The following CRAMP1 variants were observed in gnomAD, a reference collection of about 807,000 sequenced individuals.
CRAMP1 encodes protein cramped-like.
CRAMP1 carries 50 observed loss-of-function variants against 115.4 expected under a neutral mutation model. The observed-to-expected ratio is 0.43, with a 90% CI of 0.35 to 0.55. The LOEUF is 0.55. Ranked by LOEUF, CRAMP1 falls within the 20% of genes least tolerant of loss-of-function variation. CRAMP1 has a pLI of 0.01. For synonymous variants in CRAMP1, 866 were observed against 745.4 expected, an observed-to-expected ratio of 1.16 and a Z score of -2.64; for missense variants, 1,679 against 1,721.7, an observed-to-expected ratio of 0.98 and a Z score of 0.44.
chr16:1,657,497 A>G (rs2036786392), intron 10 of CRAMP1, among the ~76,000 whole-genome samples: 1 of 152,194 alleles, frequency 6.6e-6, no homozygotes, highest in African/African-American at 2.4e-5. Flanking sequence ...ACAGGTTTCC[A>G]CAGAGGGAAC....
At chr16:1,650,060 C>T (rs2036710253) in intron 6 of CRAMP1, among the ~76,000 whole-genome samples, 1 of 152,176 alleles carries the variant, frequency 6.6e-6, no homozygotes, top group Non-Finnish European at 1.5e-5. Flanking sequence ...TCCCAAAGTG[C>T]TGGGATGACA....
At chr16:1,628,957 T>C (rs2036527418) in intron 3 of CRAMP1, among the ~76,000 whole-genome samples, 1 of 152,344 alleles carries the variant, frequency 6.6e-6, no homozygotes, top group Non-Finnish European at 1.5e-5. Context: ...CGTCCAGTTA[T>C]GGCCCGTCCA....
chr16:1,658,442 C>T (rs1293332932), intron 10 of CRAMP1, among the ~76,000 whole-genome samples: 2 of 152,086 alleles, frequency 1.3e-5, no homozygotes, highest in African/African-American at 2.4e-5. Flanking sequence ...GGGTGGGCTC[C>T]TGAGAGGGCA....
chr16:1,643,808 GC>G (rs774398339), intron 6 of CRAMP1, among the ~76,000 whole-genome samples: 10 of 152,242 alleles, frequency 6.6e-5, no homozygotes, highest in Non-Finnish European at 1.3e-4. Flanking sequence ...GCTCCTCCAG[GC>G]CGCGTGTTGG....
intron 5 of CRAMP1, 143 bp downstream of exon 5, chr16:1,638,050 G>A (rs975010993): frequency 3.0e-5 from 14 of 462,078 alleles, no homozygotes; most frequent in African/African-American, 6.1e-5. Flanking sequence ...ATATGATGGC[G>A]GCCGTGCTCT....
At chr16:1,626,519 C>T (rs1045344774) in intron 3 of CRAMP1, among the ~76,000 whole-genome samples, 1 of 151,194 alleles carries the variant, frequency 6.6e-6, no homozygotes, top group Non-Finnish European at 1.5e-5. Context: ...CTGATTTAGG[C>T]GGGATGGCCT....
chr16:1,670,562 G>GCCGGGT, intron 19 of CRAMP1, 102 bp from the exon 20 acceptor site: 3 of 1,310,260 alleles, frequency 2.3e-6, no homozygotes, highest in Non-Finnish European at 3.2e-6. Context: ...CGGGGCCGGG[G>GCCGGGT]CTAGGGCTTG....
At position 1,662,701 on chromosome 16, in the gene CRAMP1, G is replaced by A. The variant is rs753548993; in HGVS notation, c.2595+30G>A. 34 of 1,613,684 alleles carry A rather than the reference G, an allele frequency of 2.1e-5. No individual in the cohort carries two copies. In the African/African-American group the frequency reaches 4.4e-4, roughly 21 times the overall value. On this transcript the variant is annotated intron_variant, in intron 12 of 20. Coordinates refer to ENST00000397412, the MANE Select transcript of CRAMP1 (RefSeq NM_020825.4). ...GTGTGTGGGGCCGGGCCGCCCGCGT[G>A]CGAGCGTCCCCGTGGTCTGGAGAGT...
chr16:1,630,864 C>A (rs998498300), intron 3 of CRAMP1, among the ~76,000 whole-genome samples: 1 of 152,242 alleles, frequency 6.6e-6, no homozygotes, highest in African/African-American at 2.4e-5. Flanking sequence ...GTCAAGAATT[C>A]CACAGCAGTG....
At chr16:1,638,479 C>T (rs960638006) in intron 5 of CRAMP1, among the ~76,000 whole-genome samples, 3 of 152,224 alleles carry the variant, frequency 2.0e-5, no homozygotes, top group African/African-American at 4.8e-5. Flanking sequence ...GCCTTCCTCA[C>T]GCAGGCCCTT....
rs1596488244 is a variant in CRAMP1 at position 1,641,242 on chromosome 16, C to T, written c.827+55C>T. ...CTTCTCTGGGTGTTTTGTGTTTATT[C>T]TCTAAAATACAGAAGCTGAAATGCT... On this transcript the variant is annotated intron_variant, in intron 6 of 20. Coordinates refer to ENST00000397412, the MANE Select transcript of CRAMP1 (RefSeq NM_020825.4). The T allele has an allele frequency of 2.3e-6, 3 of 1,282,096 alleles. No individual in the cohort carries two copies. The East Asian group carries it at 6.9e-5, about 30-fold the overall frequency. 79.4% of individuals were successfully genotyped at this position (1,282,096 alleles called of 1,614,324 possible).
At chr16:1,645,993 C>T (rs915561744) in intron 6 of CRAMP1, among the ~76,000 whole-genome samples, 1 of 152,140 alleles carries the variant, frequency 6.6e-6, no homozygotes, top group Non-Finnish European at 1.5e-5. Flanking sequence ...TGTAATTTTG[C>T]CTTTTCCAGA....
chr16:1,653,820 CA>C (rs113112609), intron 8 of CRAMP1, among the ~76,000 whole-genome samples: 144 of 58,164 alleles, frequency 2.5e-3, no homozygotes, highest in South Asian at 5.7e-3. Flanking sequence ...GACTCTGTCT[CA>C]AAAAAAAAAA....
chr16:1,676,952 TTC>T lies in CRAMP1; in HGVS notation c.*2909_*2910del, dbSNP rs1472403447. Reference sequence around the variant, plus strand: ...TGGGCATGAGAGGCCGTGGCCTCATTTCTGGTGGATAACCTTTTTAGTTTAAT... The same window carrying T: ...TGGGCATGAGAGGCCGTGGCCTCATTTGGTGGATAACCTTTTTAGTTTAAT... On this transcript the variant is annotated 3_prime_UTR_variant, in exon 21 of 21. Coordinates refer to ENST00000397412, the MANE Select transcript of CRAMP1 (RefSeq NM_020825.4). 3.9e-5 allele frequency: 6 copies of T among 152,512 alleles called. No homozygotes were observed. In the East Asian group the frequency reaches 1.2e-3, roughly 29 times the overall value. The allele number at this position is 152,512 out of a possible 1,614,324, so 9.4% of individuals were successfully genotyped here.
At chr16:1,619,191 T>C (rs2036445781) in intron 2 of CRAMP1, among the ~76,000 whole-genome samples, 1 of 152,198 alleles carries the variant, frequency 6.6e-6, no homozygotes, top group Admixed American at 6.5e-5. Flanking sequence ...TGTTTTTGTT[T>C]TGTTTTTGAG....
At chr16:1,668,778 A>G (rs1259307808) in intron 18 of CRAMP1, among the ~76,000 whole-genome samples, 1 of 152,090 alleles carries the variant, frequency 6.6e-6, no homozygotes, top group African/African-American at 2.4e-5. Flanking sequence ...CTCATGTGCA[A>G]CCCGTGGTGG....
chr16:1,634,567 C>T (rs1438042788), intron 4 of CRAMP1, among the ~76,000 whole-genome samples: 2 of 152,166 alleles, frequency 1.3e-5, no homozygotes, highest in African/African-American at 4.8e-5. Flanking sequence ...TCTTCCTGAC[C>T]TGGCACAGCA....
Position 1,656,537 on chromosome 16 carries a change from G to A in CRAMP1, c.1780G>A (p.Ala594Thr). The A allele has an allele frequency of 6.4e-7, 1 of 1,558,136 alleles. No homozygotes were observed. The highest frequency in any genetic ancestry group is 8.7e-7 in the Non-Finnish European group (1 of 1,151,762). ...GAGCGAGCAGCCCCCTCTGGGCGGG[G>A]CGGCCTCCCCAGAGGTGCTGGCTCC... ...PGSEQPPLGG[A>T]ASPEVLAPVS... is the part of the protein sequence containing the mutation. Residue 594 changes from alanine to threonine, a missense_variant, in exon 10 of 21, where the codon GCG becomes ACG. Physicochemically the swap from Ala to Thr is moderately conservative, Grantham distance 58. Transcript: ENST00000397412. This position sits in a 1 kb window ranked among gnomAD's most constrained non-coding sequence, Gnocchi z 5.6.
In CRAMP1 at chr16:1,670,507, G is replaced by C. The variant is rs1011578060; in HGVS notation, c.3500-157G>C. 8.3e-6 allele frequency: 6 copies of C among 722,730 alleles called. No individual in the cohort carries two copies. The East Asian group carries it at 1.2e-4, about 15-fold the overall frequency. The allele number at this position is 722,730 out of a possible 1,614,324, so 44.8% of individuals were successfully genotyped here. A position where few individuals can be genotyped will look rare whatever the true frequency, so the allele number is the denominator to read the frequency against. On this transcript the variant is annotated intron_variant, in intron 19 of 20. Coordinates refer to ENST00000397412, the MANE Select transcript of CRAMP1 (RefSeq NM_020825.4). ...TTAAACGAGAAGAGCTCGTCACGGCGTGTTGAGTCCCTCGGAAGCTCTTCG... is the reference window on the plus strand; with the variant it reads ...TTAAACGAGAAGAGCTCGTCACGGCCTGTTGAGTCCCTCGGAAGCTCTTCG...
Sources: allele counts gnomAD v4.1 joint callset (sites outside exome capture counted in the v4.1 genomes callset), GRCh38; gene constraint gnomAD v4.1.1; non-coding constraint Gnocchi (gnomAD v3.1); transcripts MANE v1.5; gene names NCBI Gene and HGNC (gene_info 2026-07-23, HGNC 2026-07-21).